Variants in CUX1 observed in about 807,000 individuals in gnomAD.
CUX1 encodes protein CASP.
In CUX1, 31 loss-of-function variants were observed where a neutral mutation model predicts 158.8. That is an observed-to-expected ratio of 0.20 (90% confidence interval 0.15 to 0.26). The LOEUF is 0.26. Among genes scored for constraint, CUX1 ranks in the 10% least tolerant of loss-of-function variants. The pLI is 1.00. For missense variants in CUX1, 1,589 were observed against 2,014.6 expected, an observed-to-expected ratio of 0.79 and a Z score of 4.04; for synonymous variants, 879 against 862.1, an observed-to-expected ratio of 1.02 and a Z score of -0.34.
chr7:101,883,088 G>A (rs1448540548), intron 1 of CUX1, among the ~76,000 whole-genome samples: 1 of 152,080 alleles, frequency 6.6e-6, no homozygotes, highest in East Asian at 1.9e-4. Context: ...TAACACTCTT[G>A]GCTCGGGCTC....
chr7:101,867,233 AAAAAG>A (rs1343915118), intron 1 of CUX1, among the ~76,000 whole-genome samples: 1 of 152,194 alleles, frequency 6.6e-6, no homozygotes, highest in African/African-American at 2.4e-5. Flanking sequence ...ATAGAAGTAA[AAAAAG>A]AGAGAGAGAA....
intron 1 of CUX1, among the ~76,000 whole-genome samples, chr7:101,823,076 A>G (rs1792851559): frequency 6.6e-6 from 1 of 152,124 alleles, no homozygotes; most frequent in African/African-American, 2.4e-5. Context: ...ATTTTAATCC[A>G]ACGGCATTTC....
At chr7:102,015,034 G>A (rs1248629436) in intron 2 of CUX1, among the ~76,000 whole-genome samples, 1 of 152,070 alleles carries the variant, frequency 6.6e-6, no homozygotes, top group African/African-American at 2.4e-5. Context: ...ATTCCTCTGA[G>A]CAGCTCTGTG....
intron 3 of CUX1, among the ~76,000 whole-genome samples, chr7:102,053,802 CTT>C (rs750818355): frequency 2.6e-4 from 31 of 119,858 alleles, no homozygotes; most frequent in African/African-American, 7.0e-4. Flanking sequence ...TGTCTTCTCA[CTT>C]TTTTTTTTTT....
chr7:101,940,078 T>TA lies in CUX1; in HGVS notation c.141+23868dup, dbSNP rs1180448927. ...CTGGGCAATAGAGCGAGACTCCATC[T>TA]AAAAAAAAAAAAAAAGCCGGGCATG... On this transcript the variant is annotated intron_variant, in intron 2 of 23. Transcript: ENST00000292535. Among the ~76,000 whole-genome samples, 557 of 115,192 alleles carry TA rather than the reference T, an allele frequency of 4.8e-3. 1 individual carries two copies. Among genetic ancestry groups the TA allele is most frequent in the African/African-American group, 8.5e-3 (267 of 31,292 alleles). The allele number at this position is 115,192 out of a possible 152,430, so 75.6% of individuals were successfully genotyped here.
At chr7:102,004,905 T>C (rs1364870597) in intron 2 of CUX1, among the ~76,000 whole-genome samples, 1 of 152,230 alleles carries the variant, frequency 6.6e-6, no homozygotes, top group Non-Finnish European at 1.5e-5. Flanking sequence ...CAGGATATCA[T>C]GTAGGCACTT....
intron 1 of CUX1, among the ~76,000 whole-genome samples, chr7:101,901,164 A>G (rs1334078232): frequency 6.6e-6 from 1 of 152,050 alleles, no homozygotes; most frequent in African/African-American, 2.4e-5. Context: ...AAATGCCCCT[A>G]CTGCTTCCTA....
At chr7:101,862,770 T>G (rs1242744958) in intron 1 of CUX1, among the ~76,000 whole-genome samples, 3 of 152,060 alleles carry the variant, frequency 2.0e-5, no homozygotes, top group African/African-American at 7.2e-5. Flanking sequence ...CCGGTGTGTG[T>G]GTGTGTGTGG....
rs570281753 is a variant in CUX1, at chr7:101,829,134, G to A, written c.30+11465G>A. Among the ~76,000 whole-genome samples, 58 of 152,232 alleles carry A rather than the reference G, an allele frequency of 3.8e-4. 1 individual carries two copies. The highest frequency in any genetic ancestry group is 6.8e-4 in the Non-Finnish European group (46 of 68,018). Reference sequence around the variant, plus strand: ...GTGCTGGAGAGTTTTGCATCACTTGGGGTGGGGTGGGGTGAAGAATTAACT... The same window carrying A: ...GTGCTGGAGAGTTTTGCATCACTTGAGGTGGGGTGGGGTGAAGAATTAACT... On this transcript the variant is annotated intron_variant, in intron 1 of 23. Coordinates refer to ENST00000292535, the MANE Select transcript of CUX1 (RefSeq NM_181552.4).
chr7:102,061,784 CA>C (rs1269172977), intron 3 of CUX1, among the ~76,000 whole-genome samples: 6 of 152,144 alleles, frequency 3.9e-5, no homozygotes, highest in African/African-American at 1.4e-4. Context: ...CCTGTAATCC[CA>C]GCACTTCGGA....
In CUX1 at chr7:101,946,997, T is replaced by C. The variant is rs543656943; in HGVS notation, c.141+30772T>C. On this transcript the variant is annotated intron_variant, in intron 2 of 23. Transcript: ENST00000292535. ...GGGATGTGTCACCCAGGGTTTCAGCTGGGAGGGGACAAAGCCGATTTGGGT... is the reference window on the plus strand; with the variant it reads ...GGGATGTGTCACCCAGGGTTTCAGCCGGGAGGGGACAAAGCCGATTTGGGT... 1.9e-3 allele frequency among the ~76,000 whole-genome samples: 282 copies of C among 152,198 alleles called. 1 individual carries two copies. Among genetic ancestry groups the C allele is most frequent in the Non-Finnish European group, 3.2e-4 (22 of 68,008 alleles).
chr7:102,212,915 G>A (rs782462072), intron 20 of CUX1, among the ~76,000 whole-genome samples: 4 of 152,122 alleles, frequency 2.6e-5, no homozygotes, highest in Non-Finnish European at 5.9e-5. Flanking sequence ...GCACAATCTC[G>A]GCTCACTGCA....
At chr7:102,268,031 A>G (rs1790936590) in intron 14 of CUX1, among the ~76,000 whole-genome samples, 1 of 151,878 alleles carries the variant, frequency 6.6e-6, no homozygotes, top group Non-Finnish European at 1.5e-5. Context: ...TGCCCCCTCT[A>G]GGATGTCTTT....
At chr7:101,941,305 A>G (rs1426748507) in intron 2 of CUX1, among the ~76,000 whole-genome samples, 3 of 152,210 alleles carry the variant, frequency 2.0e-5, no homozygotes, top group East Asian at 1.9e-4. Flanking sequence ...GTGAATTGCC[A>G]GGATCAACCT....
chr7:102,191,176 G>A (rs1367111508), intron 12 of CUX1, among the ~76,000 whole-genome samples: 1 of 152,010 alleles, frequency 6.6e-6, no homozygotes, highest in Non-Finnish European at 1.5e-5. Flanking sequence ...GCACCTCCTC[G>A]GACAGACCCC....
intron 2 of CUX1, among the ~76,000 whole-genome samples, chr7:101,981,658 G>C (rs572070432): frequency 5.9e-5 from 9 of 152,218 alleles, no homozygotes; most frequent in Admixed American, 5.9e-4. Context: ...TGTCGCCCAG[G>C]CTGGAGTACA....
rs567748571 is a variant in CUX1, at chr7:102,098,731, C to T, written c.406+1230C>T. ...TCTCGGCTCACTGCAAGCTCTGCCT[C>T]CCGGGTTCACGCCATTCTCCTGCCT... On this transcript the variant is annotated intron_variant, in intron 5 of 23. Transcript: ENST00000292535. 4.6e-5 allele frequency among the ~76,000 whole-genome samples: 7 copies of T among 151,480 alleles called. No individual in the cohort carries two copies. The East Asian group carries it at 1.2e-3, about 25-fold the overall frequency.
intron 23 of CUX1, among the ~76,000 whole-genome samples, 155 bp downstream of exon 23, chr7:102,239,739 T>TTTTTC (rs10634900): frequency 0.19 from 28,129 of 149,018 alleles, 3,176 homozygotes; most frequent in Non-Finnish European, 0.26. Context: ...TAGGGTTTTT[T>TTTTTC]TTTTCTTTTC....
At chr7:102,113,857 C>T (rs1379990940) in intron 7 of CUX1, among the ~76,000 whole-genome samples, 2 of 152,070 alleles carry the variant, frequency 1.3e-5, no homozygotes, top group East Asian at 1.9e-4. Flanking sequence ...TGTGGGCTAC[C>T]GCACCTGGCC....
Sources: gnomAD v4.1 joint callset for allele counts (sites outside exome capture counted in the v4.1 genomes callset) on GRCh38, gnomAD v4.1.1 for gene constraint, MANE v1.5 for transcripts, NCBI Gene and HGNC (gene_info 2026-07-23, HGNC 2026-07-21) for gene names.